TFB1M: variants seen among roughly 807,000 people sequenced by gnomAD.
TFB1M encodes the protein dimethyladenosine transferase 1, mitochondrial.
TFB1M carries 27 observed loss-of-function variants against 31.1 expected under a neutral mutation model. The ratio of observed to expected loss-of-function variants is 0.87; its 90% CI spans 0.64 to 1.20. The LOEUF (loss-of-function observed/expected upper bound fraction) is 1.20, where lower values mean the gene tolerates loss of function less well. TFB1M is among the 50% of genes most tolerant of loss of function. The pLI, the probability that TFB1M is intolerant of heterozygous loss-of-function variation, is 0.00. For synonymous variants in TFB1M, 166 were observed against 151.8 expected (o/e 1.09, Z -0.69); for missense variants, 394 against 418.7 (o/e 0.94, Z 0.51).
chr6:155,287,984 G>T (rs1304347412), intron 4 of TFB1M, among the ~76,000 whole-genome samples: 1 of 152,154 alleles, frequency 6.6e-6, no homozygotes, highest in Non-Finnish European at 1.5e-5. Context: ...TTTCTGAGCT[G>T]GTTTGCAGCT....
Position 155,257,496 on chromosome 6 carries a change from TGTTA to T in TFB1M, c.*336_*339del, listed in dbSNP as rs1454933474. ...CTCTGGGCATTTTCTTTCAGCTGTT[TGTTA>T]GTTTTTGCTTTATTTAAAGCATATT... On this transcript the variant is annotated 3_prime_UTR_variant, in exon 7 of 7. Coordinates refer to ENST00000367166, the MANE Select transcript of TFB1M (RefSeq NM_016020.4). The T allele has an allele frequency of 3.0e-6, 1 of 338,900 alleles. No homozygotes were observed. Among genetic ancestry groups the T allele is most frequent in the East Asian group, 7.1e-5 (1 of 14,116 alleles). 21.0% of individuals were successfully genotyped at this position (338,900 alleles called of 1,614,324 possible).
At chr6:155,274,448 C>T (rs1785076625) in intron 5 of TFB1M, among the ~76,000 whole-genome samples, 1 of 152,192 alleles carries the variant, frequency 6.6e-6, no homozygotes, top group Non-Finnish European at 1.5e-5. Context: ...TAATTTATTT[C>T]TGGTATCCTT....
intron 5 of TFB1M, among the ~76,000 whole-genome samples, chr6:155,274,466 C>A (rs993182662): frequency 3.3e-5 from 5 of 152,196 alleles, no homozygotes; most frequent in Admixed American, 6.5e-5. Flanking sequence ...CTTTCACATA[C>A]AACTAATGAT....
intron 5 of TFB1M, among the ~76,000 whole-genome samples, chr6:155,266,400 C>G (rs981860160): frequency 1.3e-5 from 2 of 152,114 alleles, no homozygotes; most frequent in Non-Finnish European, 2.9e-5. Context: ...AAGTATCACA[C>G]AGTCAACTCA....
chr6:155,289,868 A>G (rs1562410840), intron 4 of TFB1M, among the ~76,000 whole-genome samples: 1 of 152,114 alleles, frequency 6.6e-6, no homozygotes, highest in African/African-American at 2.4e-5. Context: ...AGTTCTCATG[A>G]GAACTGCTTG....
chr6:155,301,530 C>A (rs1250307461), intron 2 of TFB1M, among the ~76,000 whole-genome samples: 1 of 152,140 alleles, frequency 6.6e-6, no homozygotes, highest in Admixed American at 6.5e-5. Flanking sequence ...ACTTCAAAAC[C>A]CTGGAGGTGT....
chr6:155,303,483 G>C (rs746781553), intron 2 of TFB1M: 29 of 152,284 alleles, frequency 1.9e-4, no homozygotes, highest in Non-Finnish European at 3.2e-4. Context: ...ACTTTGTATG[G>C]ACTAAAAAGT....
the TFB1M span, chr6:155,250,752 C>A: frequency 8.8e-7 from 1 of 1,132,684 alleles, no homozygotes; most frequent in Non-Finnish European, 1.3e-6. Context: ...CTCATATTTT[C>A]AAAAGCTCCA....
At chr6:155,288,631 G>A (rs1351431761) in intron 4 of TFB1M, among the ~76,000 whole-genome samples, 1 of 152,202 alleles carries the variant, frequency 6.6e-6, no homozygotes, top group East Asian at 1.9e-4. Flanking sequence ...GGGAATATGT[G>A]TCCCAATCCA....
intron 4 of TFB1M, among the ~76,000 whole-genome samples, chr6:155,293,633 G>A (rs1226559146): frequency 6.6e-6 from 1 of 152,012 alleles, no homozygotes; most frequent in African/African-American, 2.4e-5. Flanking sequence ...TCCTTCTGGG[G>A]CTATGATATT....
rs1003349783 is a variant in TFB1M, at chr6:155,257,244, T to G, written c.*592A>C. The G allele has an allele frequency of 9.2e-7, 1 of 1,090,834 alleles. No individual in the cohort carries two copies. Among genetic ancestry groups the G allele is most frequent in the African/African-American group, 1.6e-5 (1 of 62,548 alleles). 67.6% of individuals were successfully genotyped at this position (1,090,834 alleles called of 1,614,324 possible). Reference sequence around the variant, plus strand: ...TTCCTGGGTTTTGTGCAGTATACATTTTCCCACAAAATGGTTGTAAAGATT... The same window carrying G: ...TTCCTGGGTTTTGTGCAGTATACATGTTCCCACAAAATGGTTGTAAAGATT... On this transcript the variant is annotated 3_prime_UTR_variant, in exon 7 of 7. Transcript: ENST00000367166.
intron 4 of TFB1M, among the ~76,000 whole-genome samples, chr6:155,288,880 T>C (rs1253390771): frequency 6.6e-6 from 1 of 152,232 alleles, no homozygotes; most frequent in Non-Finnish European, 1.5e-5. Context: ...GTGATAGATG[T>C]ACTATTGGGA....
chr6:155,290,042 T>A (rs1009149671), intron 4 of TFB1M, among the ~76,000 whole-genome samples: 11 of 152,172 alleles, frequency 7.2e-5, no homozygotes, highest in East Asian at 5.8e-4. Flanking sequence ...ACCTTTTTTT[T>A]AAAATAAATT....
intron 5 of TFB1M, among the ~76,000 whole-genome samples, chr6:155,281,721 CAAA>C (rs1217317032): frequency 1.1e-4 from 7 of 63,234 alleles, no homozygotes; most frequent in African/African-American, 3.6e-4. Flanking sequence ...GACTCTGTCT[CAAA>C]AAAAAAAAAA....
intron 5 of TFB1M, among the ~76,000 whole-genome samples, chr6:155,271,929 C>T (rs1784937937): frequency 6.6e-6 from 1 of 152,198 alleles, no homozygotes; most frequent in South Asian, 2.1e-4. Context: ...CCTTCCCCGC[C>T]TCTCCTTTCT....
chr6:155,294,100 TCAA>T (rs1777053981), intron 4 of TFB1M, among the ~76,000 whole-genome samples: 1 of 152,136 alleles, frequency 6.6e-6, no homozygotes. Context: ...CTGACAGGGA[TCAA>T]CGAGGGCTGA....
the TFB1M span, among the ~76,000 whole-genome samples, chr6:155,248,667 C>T: frequency 6.6e-6 from 1 of 152,210 alleles, no homozygotes; most frequent in Non-Finnish European, 1.5e-5. Flanking sequence ...GTTATGCTTT[C>T]AAGTCGCTAC....
intron 5 of TFB1M, among the ~76,000 whole-genome samples, chr6:155,279,039 C>T (rs1384657139): frequency 1.3e-5 from 2 of 151,984 alleles, no homozygotes; most frequent in Non-Finnish European, 1.5e-5. Flanking sequence ...GCCAGGGATG[C>T]CTTTATGTAT....
chr6:155,297,925 T>C (rs1400661017), intron 3 of TFB1M, among the ~76,000 whole-genome samples: 1 of 152,128 alleles, frequency 6.6e-6, no homozygotes, highest in Non-Finnish European at 1.5e-5. Context: ...GCCAGAGACA[T>C]GGGGGCAGCC....
Sources: gnomAD v4.1 joint callset for allele counts (sites outside exome capture counted in the v4.1 genomes callset) on GRCh38, gnomAD v4.1.1 for gene constraint, MANE v1.5 for transcripts, NCBI Gene and HGNC (gene_info 2026-07-23, HGNC 2026-07-21) for gene names.